GPR89B: variants seen among roughly 807,000 people sequenced by gnomAD.
The protein encoded by GPR89B is G protein-coupled receptor 89B.
A neutral mutation model predicts 52.4 loss-of-function variants in GPR89B; 25 were observed. That is an observed-to-expected ratio of 0.48 (90% confidence interval 0.35 to 0.67). GPR89B has a LOEUF of 0.67. Ranked by LOEUF, GPR89B falls within the 30% of genes least tolerant of loss-of-function variation. The pLI is 0.01. For synonymous variants in GPR89B, 52 were observed against 151.2 expected (o/e 0.34, Z 4.81); for missense variants, 146 against 450.2 (o/e 0.32, Z 6.11).
chr1:147,984,961 A>G (rs1452087893), intron 10 of GPR89B, among the ~76,000 whole-genome samples: 1 of 152,198 alleles, frequency 6.6e-6, no homozygotes, highest in Non-Finnish European at 1.5e-5. Flanking sequence ...TAGAATACGT[A>G]TTGTGCTCTT....
chr1:147,996,098 T>C (rs1278605165), downstream of GPR89B, among the ~76,000 whole-genome samples: 4 of 152,244 alleles, frequency 2.6e-5, no homozygotes, highest in Non-Finnish European at 5.9e-5. Context: ...GTATTATAAA[T>C]AGTGGTTCAG....
chr1:147,979,238 C>T (rs1480233921), intron 10 of GPR89B, among the ~76,000 whole-genome samples: 3 of 151,936 alleles, frequency 2.0e-5, no homozygotes, highest in Admixed American at 6.6e-5. Flanking sequence ...AACATTCACT[C>T]GCTGTTTTCA....
the GPR89B span, among the ~76,000 whole-genome samples, chr1:148,015,799 C>A: frequency 6.7e-6 from 1 of 149,542 alleles, no homozygotes; most frequent in Non-Finnish European, 1.5e-5. Flanking sequence ...GATAGAGGTG[C>A]AATTACTATA....
rs1275622998 is a variant in GPR89B, at chr1:147,943,516, C to G, written c.285C>G (p.Gly95=). The G allele has an allele frequency of 5.0e-6, 8 of 1,612,930 alleles. No individual in the cohort carries two copies. The highest frequency in any genetic ancestry group is 6.8e-6 in the Non-Finnish European group (8 of 1,179,476). ...TTTTCATGGTGCCTTTTTACATTGG[C>G]TATTTTATTGTGAGCAATATCCGAC... The part of the protein sequence containing the change: ...ILVFMVPFYI[G]YFIVSNIRLL... Residue 95 remains glycine, a synonymous_variant, in exon 4 of 14, where the codon GGC becomes GGG. Coordinates refer to ENST00000314163, the MANE Select transcript of GPR89B (RefSeq NM_016334.5).
the GPR89B span, among the ~76,000 whole-genome samples, chr1:148,025,523 CAAAAAA>C: frequency 3.4e-5 from 1 of 29,656 alleles, no homozygotes; most frequent in Non-Finnish European, 7.0e-5. Flanking sequence ...AACTCTGTCT[CAAAAAA>C]AAAAAAAAAA....
chr1:148,019,196 C>G, the GPR89B span, among the ~76,000 whole-genome samples: 1 of 151,070 alleles, frequency 6.6e-6, no homozygotes, highest in Non-Finnish European at 1.5e-5. Context: ...AGGCTGGTCT[C>G]GAACTCCTGA....
At chr1:148,005,706 T>C in the GPR89B span, among the ~76,000 whole-genome samples, 3 of 152,172 alleles carry the variant, frequency 2.0e-5, no homozygotes, top group Admixed American at 2.0e-4. Flanking sequence ...CACTATAGCA[T>C]TCTTGGCTAT....
chr1:147,979,681 C>G (rs1270594806), intron 10 of GPR89B, among the ~76,000 whole-genome samples: 1 of 151,798 alleles, frequency 6.6e-6, no homozygotes, highest in African/African-American at 2.4e-5. Context: ...TGATTATATT[C>G]ATTAATTTTT....
At chr1:147,950,751 T>C (rs28545649) in intron 5 of GPR89B, among the ~76,000 whole-genome samples, 36,060 of 151,482 alleles carry the variant, frequency 0.24, 4,673 homozygotes, top group East Asian at 0.42. Context: ...GCCAACACAG[T>C]GAAACCCCGT....
At chr1:147,980,530 AT>A (rs1288526689) in intron 10 of GPR89B, among the ~76,000 whole-genome samples, 2 of 131,928 alleles carry the variant, frequency 1.5e-5, no homozygotes, top group African/African-American at 3.0e-5. Context: ...AGAGACTGTT[AT>A]TTTTTTCATG....
chr1:147,957,760 TAAGAGA>T (rs1332184058), intron 7 of GPR89B, among the ~76,000 whole-genome samples: 1 of 151,982 alleles, frequency 6.6e-6, no homozygotes, highest in African/African-American at 2.4e-5. Flanking sequence ...AGCCTTAATG[TAAGAGA>T]TAACATTAGA....
chr1:147,969,623 C>T (rs1265676038), intron 9 of GPR89B: 11 of 456,884 alleles, frequency 2.4e-5, no homozygotes, highest in South Asian at 7.2e-5. Flanking sequence ...GATAATAGAA[C>T]GTATCTCATA....
chr1:147,950,263 G>A (rs1479044421), intron 5 of GPR89B, among the ~76,000 whole-genome samples: 5 of 151,152 alleles, frequency 3.3e-5, no homozygotes, highest in African/African-American at 1.2e-4. Context: ...ACAGGGTCGC[G>A]GCCGGGTAGA....
At chr1:148,009,401 C>T in the GPR89B span, 3 of 1,611,826 alleles carry the variant, frequency 1.9e-6, no homozygotes, top group East Asian at 4.5e-5. Context: ...GATAGCAGAG[C>T]CGGGGCTGGG....
chr1:147,945,941 G>C (rs1243607520), intron 5 of GPR89B, among the ~76,000 whole-genome samples: 2 of 151,980 alleles, frequency 1.3e-5, no homozygotes, highest in Admixed American at 1.3e-4. Context: ...GCTCAGGATG[G>C]TCTCGAACTC....
intron 12 of GPR89B, among the ~76,000 whole-genome samples, chr1:147,990,072 T>G (rs1658950507): frequency 6.6e-6 from 1 of 152,214 alleles, no homozygotes; most frequent in South Asian, 2.1e-4. Flanking sequence ...TAGTTTACAG[T>G]CCCACCAACA....
At chr1:147,990,632 G>A (rs1242538435) in intron 12 of GPR89B, among the ~76,000 whole-genome samples, 1 of 152,112 alleles carries the variant, frequency 6.6e-6, no homozygotes, top group Non-Finnish European at 1.5e-5. Flanking sequence ...TGTATAAGGT[G>A]TAAGGAAGGG....
chr1:148,025,263 G>T, the GPR89B span, among the ~76,000 whole-genome samples: 91 of 151,832 alleles, frequency 6.0e-4, 3 homozygotes, highest in African/African-American at 2.1e-3. Flanking sequence ...TTCGGCTCAG[G>T]TGTGCTTTCC....
the GPR89B span, chr1:148,010,689 G>A: frequency 6.6e-6 from 1 of 152,184 alleles, no homozygotes; most frequent in Non-Finnish European, 1.5e-5. Context: ...CCAAGGCATG[G>A]GTTGGCAAAA....
Sources: gnomAD v4.1 joint callset for allele counts (sites outside exome capture counted in the v4.1 genomes callset) on GRCh38, gnomAD v4.1.1 for gene constraint, MANE v1.5 for transcripts, NCBI Gene and HGNC (gene_info 2026-07-23, HGNC 2026-07-21) for gene names.